Variants in NRXN1 observed in about 807,000 individuals in gnomAD.
NRXN1 encodes the protein neurexin-1.
In NRXN1, 39 loss-of-function variants were observed where a neutral mutation model predicts 150.9. That is an observed-to-expected ratio of 0.26 (90% CI 0.20 to 0.34). NRXN1 has a LOEUF of 0.34. NRXN1 is among the 10% of genes least tolerant of loss of function. The probability of loss-of-function intolerance (pLI) is 1.00; values close to 1 mark genes in which losing one functional copy is unlikely to be tolerated. For missense variants in NRXN1, 1,815 were observed against 1,949.9 expected (o/e 0.93, Z 1.30); for synonymous variants, 924 against 757.0 (o/e 1.22, Z -3.62).
Position 50,053,423 on chromosome 2 carries a change from G to A in NRXN1, c.3976C>T (p.Leu1326=), listed in dbSNP as rs1693064656. The A allele has an allele frequency of 1.2e-6, 2 of 1,613,858 alleles. No individual in the cohort carries two copies. The highest frequency in any genetic ancestry group is 2.2e-5 in the East Asian group (1 of 44,874). ...ANIAIVGNVR[L]VGEVPSSMTT... ...ATAGAGGAAGGCACTTCACCAACCA[G>A]TCTCACATTTCCCACTATGGCGATG... is the stretch of plus-strand genomic sequence containing the variant. Residue 1326 remains leucine, a synonymous_variant, in exon 21 of 23, where the codon CTG becomes TTG. Coordinates refer to ENST00000401669, the MANE Select transcript of NRXN1 (RefSeq NM_001330078.2).
At chr2:50,349,161 A>T (rs943999647) in intron 17 of NRXN1, among the ~76,000 whole-genome samples, 1 of 152,142 alleles carries the variant, frequency 6.6e-6, no homozygotes, top group South Asian at 2.1e-4. Context: ...TTATTTTATG[A>T]TACTAAAAGA....
intron 18 of NRXN1, among the ~76,000 whole-genome samples, chr2:50,197,347 G>C (rs2061843171): frequency 1.3e-5 from 2 of 152,074 alleles, no homozygotes; most frequent in Non-Finnish European, 2.9e-5. Flanking sequence ...AATTGATCAT[G>C]AACATTTAAA....
At chr2:50,812,990 G>T (rs918294969) in intron 5 of NRXN1, among the ~76,000 whole-genome samples, 1 of 152,014 alleles carries the variant, frequency 6.6e-6, no homozygotes, top group Non-Finnish European at 1.5e-5. Flanking sequence ...AGAAGCTGGA[G>T]ATCAGTTTGG....
At chr2:50,432,822 A>G (rs897926627) in intron 17 of NRXN1, among the ~76,000 whole-genome samples, 1 of 152,202 alleles carries the variant, frequency 6.6e-6, no homozygotes, top group Non-Finnish European at 1.5e-5. Context: ...AATACAATTC[A>G]AGGTAGATTT....
At chr2:50,098,322 C>T (rs1700507675) in intron 18 of NRXN1, among the ~76,000 whole-genome samples, 1 of 152,126 alleles carries the variant, frequency 6.6e-6, no homozygotes, top group African/African-American at 2.4e-5. Context: ...TGCAAATACT[C>T]ATACCCACAA....
intron 17 of NRXN1, among the ~76,000 whole-genome samples, chr2:50,356,727 A>C (rs1005542340): frequency 6.6e-6 from 1 of 152,216 alleles, no homozygotes; most frequent in African/African-American, 2.4e-5. Flanking sequence ...GAATTAATCT[A>C]CTAATGTCTT....
intron 17 of NRXN1, among the ~76,000 whole-genome samples, chr2:50,459,940 A>T (rs556790997): frequency 2.6e-5 from 4 of 152,226 alleles, no homozygotes; most frequent in Non-Finnish European, 5.9e-5. Flanking sequence ...TTGTGTTGCT[A>T]CAGATGGAAG....
At chr2:50,152,730 T>G (rs10209998) in intron 18 of NRXN1, among the ~76,000 whole-genome samples, 49,490 of 151,564 alleles carry the variant, frequency 0.33, 8,591 homozygotes, top group Non-Finnish European at 0.38. Flanking sequence ...AATGACTTGC[T>G]TCTCTCTCAC....
In NRXN1 at chr2:49,961,269, C is replaced by T. The variant is rs146904107; in HGVS notation, c.4129-17478G>A. On this transcript the variant is annotated intron_variant, in intron 21 of 22. Coordinates refer to ENST00000401669, the MANE Select transcript of NRXN1 (RefSeq NM_001330078.2). ...CAAACCCTGGCAGCTATTTAAAATTCGCATTGTTGCTTTAACTTTGACCCA... is the reference window on the plus strand; with the variant it reads ...CAAACCCTGGCAGCTATTTAAAATTTGCATTGTTGCTTTAACTTTGACCCA... Among the ~76,000 whole-genome samples the T allele has an allele frequency of 1.9e-4, 29 of 151,890 alleles. No individual in the cohort carries two copies. In the East Asian group the frequency reaches 3.7e-3, roughly 19 times the overall value.
chr2:50,293,781 T>C (rs114159234), intron 17 of NRXN1, among the ~76,000 whole-genome samples: 1 of 152,130 alleles, frequency 6.6e-6, no homozygotes, highest in Non-Finnish European at 1.5e-5. Flanking sequence ...GGGGAGATAG[T>C]AAACTTGCGA....
intron 9 of NRXN1, among the ~76,000 whole-genome samples, chr2:50,544,554 A>G (rs1223646636): frequency 6.6e-6 from 1 of 152,154 alleles, no homozygotes; most frequent in Non-Finnish European, 1.5e-5. Context: ...TTAAATCAAT[A>G]TATGAAAACA....
At chr2:50,686,632 A>G (rs1691269964) in intron 5 of NRXN1, among the ~76,000 whole-genome samples, 1 of 152,220 alleles carries the variant, frequency 6.6e-6, no homozygotes, top group African/African-American at 2.4e-5. Flanking sequence ...TTGACATCCA[A>G]CAAAACCCTG....
chr2:50,966,015 T>C (rs974746263), intron 2 of NRXN1, among the ~76,000 whole-genome samples: 1 of 151,640 alleles, frequency 6.6e-6, no homozygotes, highest in African/African-American at 2.4e-5. Flanking sequence ...AGTTGCACCT[T>C]AGTAGTAAAA....
chr2:51,023,940 A>G (rs1670022947), intron 2 of NRXN1, among the ~76,000 whole-genome samples: 1 of 152,202 alleles, frequency 6.6e-6, no homozygotes. Context: ...GGCCATTTAA[A>G]TAGAGAACAT....
chr2:50,423,825 G>C (rs1345675288), intron 17 of NRXN1, among the ~76,000 whole-genome samples: 1 of 152,082 alleles, frequency 6.6e-6, no homozygotes, highest in African/African-American at 2.4e-5. Context: ...GCTTACTATA[G>C]AGATGATGTT....
chr2:51,002,111 T>C (rs1364030946), intron 2 of NRXN1, among the ~76,000 whole-genome samples: 2 of 152,020 alleles, frequency 1.3e-5, no homozygotes, highest in Non-Finnish European at 2.9e-5. Flanking sequence ...GGTTTAACTA[T>C]TTTTTCAGGT....
intron 17 of NRXN1, among the ~76,000 whole-genome samples, chr2:50,431,769 A>C (rs572003601): frequency 6.6e-6 from 1 of 152,308 alleles, no homozygotes; most frequent in South Asian, 2.1e-4. Context: ...CAAAGCTTAA[A>C]ATATGTATTA....
At chr2:50,781,440 T>G (rs759998198) in intron 5 of NRXN1, among the ~76,000 whole-genome samples, 2 of 151,096 alleles carry the variant, frequency 1.3e-5, no homozygotes, top group Non-Finnish European at 2.9e-5. Context: ...ACATAGGAAA[T>G]TATCTCCAAG....
chr2:50,713,774 G>A (rs984156614), intron 5 of NRXN1, among the ~76,000 whole-genome samples: 2 of 152,152 alleles, frequency 1.3e-5, no homozygotes, highest in Non-Finnish European at 2.9e-5. Flanking sequence ...TTAAAGACCT[G>A]TTGGTCTATT....
Sources: allele counts gnomAD v4.1 joint callset (sites outside exome capture counted in the v4.1 genomes callset), GRCh38; gene constraint gnomAD v4.1.1; transcripts MANE v1.5; gene names NCBI Gene and HGNC (gene_info 2026-07-23, HGNC 2026-07-21).